The following SMIM31 variants were observed in gnomAD, a reference collection of about 807,000 sequenced individuals.
SMIM31 encodes human epithelial cell program regulator.
chr4:164,780,664 A>G (rs894502314), intron 2 of SMIM31, among the ~76,000 whole-genome samples: 1 of 152,252 alleles, frequency 6.6e-6, no homozygotes. Context: ...CACTGTTTTT[A>G]TAATACTATT....
In SMIM31 at chr4:164,772,151, A is replaced by C. The variant is rs1579064870; in HGVS notation, c.112+1596A>C. Among the ~76,000 whole-genome samples, 3 of 152,322 alleles carry C rather than the reference A, an allele frequency of 2.0e-5. No individual in the cohort carries two copies. In the East Asian group the frequency reaches 5.8e-4, roughly 29 times the overall value. On this transcript the variant is annotated intron_variant, in intron 2 of 2. Coordinates refer to ENST00000507311, the MANE Select transcript of SMIM31 (RefSeq NM_001352885.1). Reference sequence around the variant, plus strand: ...GCCTAGTGGCTTCTGCTTCTGTGAAAGCCTCAGAAAGCCTCCAATCATGGT... The same window carrying C: ...GCCTAGTGGCTTCTGCTTCTGTGAACGCCTCAGAAAGCCTCCAATCATGGT...
chr4:164,785,606 A>G (rs1306804743), intron 2 of SMIM31, among the ~76,000 whole-genome samples: 2 of 151,574 alleles, frequency 1.3e-5, no homozygotes, highest in African/African-American at 2.4e-5. Context: ...CAGCTATGCA[A>G]TGCATATATT....
chr4:164,768,305 G>A (rs1213883058), intron 1 of SMIM31, among the ~76,000 whole-genome samples: 1 of 150,894 alleles, frequency 6.6e-6, no homozygotes, highest in Non-Finnish European at 1.5e-5. Flanking sequence ...GAGAGAGAGA[G>A]GAAGGAAGGA....
chr4:164,791,967 ATAT>A (rs1356842209), intron 2 of SMIM31, among the ~76,000 whole-genome samples: 2 of 152,124 alleles, frequency 1.3e-5, no homozygotes, highest in African/African-American at 2.4e-5. Flanking sequence ...TTTCTATTCA[ATAT>A]TATTGTCAGC....
At chr4:164,761,660 T>G (rs866747697) in intron 1 of SMIM31, among the ~76,000 whole-genome samples, 1 of 151,852 alleles carries the variant, frequency 6.6e-6, no homozygotes, top group Admixed American at 6.6e-5. Context: ...GGCTCACGCC[T>G]GCAATCCCAG....
chr4:164,790,706 C>G (rs533538032), intron 2 of SMIM31, among the ~76,000 whole-genome samples: 25 of 152,188 alleles, frequency 1.6e-4, no homozygotes, highest in African/African-American at 6.0e-4. Context: ...ATAATAAATA[C>G]TTTTCATTAG....
chr4:164,756,768 G>A (rs963295889), intron 1 of SMIM31, among the ~76,000 whole-genome samples: 8 of 152,012 alleles, frequency 5.3e-5, no homozygotes, highest in South Asian at 2.1e-4. Flanking sequence ...TCACAAAATC[G>A]TTCTTTTTAA....
intron 2 of SMIM31, among the ~76,000 whole-genome samples, chr4:164,781,655 C>A (rs1176628134): frequency 6.6e-6 from 1 of 152,178 alleles, no homozygotes; most frequent in African/African-American, 2.4e-5. Flanking sequence ...ACTTCCCCAA[C>A]CCACCTCGTT....
At chr4:164,780,755 G>A (rs1421295641) in intron 2 of SMIM31, among the ~76,000 whole-genome samples, 1 of 151,942 alleles carries the variant, frequency 6.6e-6, no homozygotes, top group Non-Finnish European at 1.5e-5. Context: ...ACCATAATGG[G>A]ATACTACTAC....
chr4:164,793,160 T>C (rs1579073753), intron 2 of SMIM31, among the ~76,000 whole-genome samples: 1 of 152,134 alleles, frequency 6.6e-6, no homozygotes, highest in Non-Finnish European at 1.5e-5. Context: ...AGCTAAATAT[T>C]GGGTACTCAT....
At chr4:164,771,195 A>G (rs912840349) in intron 2 of SMIM31, among the ~76,000 whole-genome samples, 1 of 152,230 alleles carries the variant, frequency 6.6e-6, no homozygotes, top group Admixed American at 6.5e-5. Flanking sequence ...CAACACTATC[A>G]TAACTAGGAA....
At chr4:164,797,648 G>T (rs1459475224) in intron 2 of SMIM31, among the ~76,000 whole-genome samples, 1 of 151,888 alleles carries the variant, frequency 6.6e-6, no homozygotes, top group Non-Finnish European at 1.5e-5. Context: ...ATTTTTAGTA[G>T]AGAAGAGGTT....
At chr4:164,793,010 G>T (rs148182914) in intron 2 of SMIM31, among the ~76,000 whole-genome samples, 1 of 152,202 alleles carries the variant, frequency 6.6e-6, no homozygotes, top group South Asian at 2.1e-4. Context: ...ACTGAATACC[G>T]TGGAATACTA....
intron 2 of SMIM31, among the ~76,000 whole-genome samples, chr4:164,772,588 T>A (rs1456102405): frequency 7.9e-6 from 1 of 126,134 alleles, no homozygotes; most frequent in Admixed American, 7.5e-5. Flanking sequence ...TTATTTTATT[T>A]TTTTTTTTGA....
At chr4:164,771,957 C>G (rs1732808420) in intron 2 of SMIM31, among the ~76,000 whole-genome samples, 1 of 152,178 alleles carries the variant, frequency 6.6e-6, no homozygotes, top group South Asian at 2.1e-4. Context: ...CAGTTTAGTA[C>G]ACTGTTTACT....
intron 2 of SMIM31, among the ~76,000 whole-genome samples, chr4:164,791,088 G>A (rs1174245908): frequency 6.6e-6 from 1 of 152,044 alleles, no homozygotes; most frequent in Admixed American, 6.6e-5. Flanking sequence ...TCACTTTCAA[G>A]ATTTTTTTTC....
At chr4:164,762,536 G>A (rs962233483) in intron 1 of SMIM31, among the ~76,000 whole-genome samples, 19 of 151,818 alleles carry the variant, frequency 1.3e-4, no homozygotes. Flanking sequence ...GGGCAACAGG[G>A]TGAAACCCCA....
Sources: gnomAD v4.1 joint callset for allele counts (sites outside exome capture counted in the v4.1 genomes callset) on GRCh38, gnomAD v4.1.1 for gene constraint, MANE v1.5 for transcripts, NCBI Gene and HGNC (gene_info 2026-07-23, HGNC 2026-07-21) for gene names.